Variants in COL21A1 observed in about 807,000 individuals in gnomAD.
The protein encoded by COL21A1 is collagen alpha-1(XXI) chain.
A neutral mutation model predicts 137.9 loss-of-function variants in COL21A1; 149 were observed. The ratio of observed to expected loss-of-function variants is 1.08; its 90% CI spans 0.95 to 1.24. The LOEUF is 1.24. Ranked by LOEUF, COL21A1 falls within the 50% of genes most tolerant of loss-of-function variation. The probability of loss-of-function intolerance (pLI) is 0.00; values close to 1 mark genes in which losing one functional copy is unlikely to be tolerated. For missense variants in COL21A1, 1,167 were observed against 1,158.4 expected (o/e 1.01, Z -0.11); for synonymous variants, 456 against 391.5 (o/e 1.16, Z -1.95).
chr6:56,087,843 T>C (rs974585347), intron 17 of COL21A1, among the ~76,000 whole-genome samples: 1 of 152,172 alleles, frequency 6.6e-6, no homozygotes, highest in African/African-American at 2.4e-5. Context: ...TTCAGGAAGA[T>C]ATCCATTTCT....
intron 2 of COL21A1, among the ~76,000 whole-genome samples, chr6:56,181,483 CATT>C (rs1042112671): frequency 5.3e-5 from 8 of 151,862 alleles, no homozygotes; most frequent in Non-Finnish European, 1.0e-4. Flanking sequence ...TACTGAGACT[CATT>C]GTTGTCTGAA....
chr6:56,350,572 C>T (rs1282027055), intron 1 of COL21A1, among the ~76,000 whole-genome samples: 3 of 152,158 alleles, frequency 2.0e-5, no homozygotes, highest in African/African-American at 7.2e-5. Context: ...ATATACTCAA[C>T]AAGAACACTG....
chr6:56,251,081 C>T (rs1325621047), upstream of COL21A1, among the ~76,000 whole-genome samples: 2 of 152,164 alleles, frequency 1.3e-5, no homozygotes, highest in African/African-American at 4.8e-5. Flanking sequence ...TCCTCTGTCT[C>T]ACCTCTGCCT....
At chr6:56,235,425 C>T (rs1290913921) in intron 1 of COL21A1, among the ~76,000 whole-genome samples, 1 of 151,880 alleles carries the variant, frequency 6.6e-6, no homozygotes, top group Non-Finnish European at 1.5e-5. Flanking sequence ...CTAAGCCTCA[C>T]TTCTGTTTGT....
intron 10 of COL21A1, among the ~76,000 whole-genome samples, chr6:56,145,290 A>G (rs1774748238): frequency 6.6e-6 from 1 of 152,194 alleles, no homozygotes; most frequent in African/African-American, 2.4e-5. Context: ...ATGTTGTGAT[A>G]TGTATATTTT....
intron 17 of COL21A1, among the ~76,000 whole-genome samples, chr6:56,081,794 T>C (rs878992846): frequency 2.0e-5 from 3 of 152,060 alleles, no homozygotes; most frequent in East Asian, 1.9e-4. Flanking sequence ...CACCCTGGCC[T>C]GTAGACAAGG....
intron 3 of COL21A1, among the ~76,000 whole-genome samples, chr6:56,172,808 A>C (rs1283467330): frequency 1.3e-5 from 2 of 152,186 alleles, no homozygotes; most frequent in African/African-American, 4.8e-5. Flanking sequence ...TAGAATATTT[A>C]TATGTAATTT....
chr6:56,111,430 T>C (rs956161295), intron 16 of COL21A1, among the ~76,000 whole-genome samples: 1 of 152,186 alleles, frequency 6.6e-6, no homozygotes, highest in Non-Finnish European at 1.5e-5. Context: ...CAGTTGACAG[T>C]AATGTGCCAA....
chr6:56,072,579 A>G (rs559066003), intron 20 of COL21A1, among the ~76,000 whole-genome samples: 1 of 151,566 alleles, frequency 6.6e-6, no homozygotes, highest in East Asian at 2.0e-4. Context: ...TCAGTACACT[A>G]TGATCCATGG....
At chr6:56,202,572 C>T (rs375472140) in intron 1 of COL21A1, among the ~76,000 whole-genome samples, 23 of 152,152 alleles carry the variant, frequency 1.5e-4, no homozygotes, top group East Asian at 5.8e-4. Context: ...ACTGATAATG[C>T]CTTCCTCATC....
At chr6:56,187,036 C>G (rs558363875) in intron 1 of COL21A1, among the ~76,000 whole-genome samples, 38 of 152,326 alleles carry the variant, frequency 2.5e-4, no homozygotes, top group African/African-American at 8.9e-4. Context: ...GTTGTTATAA[C>G]TCAATACCTG....
At chr6:56,253,039 T>C (rs188942928) in intron 1 of COL21A1, among the ~76,000 whole-genome samples, 185 of 152,292 alleles carry the variant, frequency 1.2e-3, no homozygotes, top group Admixed American at 1.8e-3. Flanking sequence ...TCTAAGAAAA[T>C]AGAACAATCC....
chr6:56,082,773 T>G (rs1383147681), intron 17 of COL21A1, among the ~76,000 whole-genome samples: 1 of 151,842 alleles, frequency 6.6e-6, no homozygotes, highest in East Asian at 1.9e-4. Context: ...AACACACTAA[T>G]AAGTGAATTT....
chr6:56,119,707 G>A (rs939214575), intron 16 of COL21A1, among the ~76,000 whole-genome samples: 5 of 152,072 alleles, frequency 3.3e-5, no homozygotes, highest in African/African-American at 1.2e-4. Context: ...CATACAAACA[G>A]ATACAAAGAC....
At chr6:56,148,063 G>T (rs1774980568) in intron 10 of COL21A1, among the ~76,000 whole-genome samples, 1 of 152,050 alleles carries the variant, frequency 6.6e-6, no homozygotes, top group African/African-American at 2.4e-5. Flanking sequence ...CTCAAGTGTG[G>T]AGTCCTAAAC....
At chr6:56,289,479 C>T (rs181247264) in intron 1 of COL21A1, among the ~76,000 whole-genome samples, 1 of 152,316 alleles carries the variant, frequency 6.6e-6, no homozygotes, top group African/African-American at 2.4e-5. Context: ...CATTATGGGA[C>T]TATTTTCTCT....
chr6:56,240,054 G>T (rs75796935), intron 1 of COL21A1, among the ~76,000 whole-genome samples: 3 of 151,896 alleles, frequency 2.0e-5, no homozygotes, highest in Non-Finnish European at 4.4e-5. Flanking sequence ...AACCCCTTCC[G>T]CTTGGCTCTC....
intron 1 of COL21A1, among the ~76,000 whole-genome samples, chr6:56,321,920 A>G (rs1242688335): frequency 6.6e-6 from 1 of 152,148 alleles, no homozygotes; most frequent in East Asian, 1.9e-4. Context: ...TGAGCGAAAC[A>G]TTTTTAAAAT....
chr6:56,096,075 G>A (rs61357705), intron 17 of COL21A1, among the ~76,000 whole-genome samples: 46 of 151,868 alleles, frequency 3.0e-4, no homozygotes, highest in African/African-American at 1.1e-3. Flanking sequence ...TCAAACTCCT[G>A]ACCTCAAGTA....
Sources: gnomAD v4.1 joint callset for allele counts (sites outside exome capture counted in the v4.1 genomes callset) on GRCh38, gnomAD v4.1.1 for gene constraint, MANE v1.5 for transcripts, NCBI Gene and HGNC (gene_info 2026-07-23, HGNC 2026-07-21) for gene names.